The following RBFOX3 variants were observed in gnomAD, a reference collection of about 807,000 sequenced individuals.
The protein encoded by RBFOX3 is RNA binding fox-1 homolog 3.
In RBFOX3, 17 loss-of-function variants were observed where a neutral mutation model predicts 48.7. The observed-to-expected ratio is 0.35, with a 90% CI of 0.24 to 0.52. The LOEUF (loss-of-function observed/expected upper bound fraction) is 0.52. Ranked by LOEUF, RBFOX3 falls within the 20% of genes least tolerant of loss-of-function variation. The probability of loss-of-function intolerance (pLI) is 0.94; values close to 1 mark genes in which losing one functional copy is unlikely to be tolerated. For synonymous variants in RBFOX3, 212 were observed against 209.5 expected, an observed-to-expected ratio of 1.01 and a Z score of -0.10; for missense variants, 382 against 497.5, an observed-to-expected ratio of 0.77 and a Z score of 2.21.
At position 79,311,434 on chromosome 17, in the gene RBFOX3, CAAAAAA is replaced by C. The variant is rs35265527; in HGVS notation, c.-174-3616_-174-3611del. ...GGTAAGAAGAGCGAGACTCCATCTC[CAAAAAA>C]AAAAAAAAAAAAAACAGACTGCAGC... is the stretch of plus-strand genomic sequence containing the variant. On this transcript the variant is annotated intron_variant, in intron 2 of 14. Transcript: ENST00000693108. The surrounding 1 kb of genome is among the most constrained non-coding windows in gnomAD (Gnocchi z 4.2). 9.7e-6 allele frequency among the ~76,000 whole-genome samples: 1 copy of C among 102,578 alleles called. No individual in the cohort carries two copies. The highest frequency in any genetic ancestry group is 3.4e-5 in the African/African-American group (1 of 29,844). 67.3% of individuals were successfully genotyped at this position (102,578 alleles called of 152,430 possible). A position where few individuals can be genotyped will look rare whatever the true frequency, so the allele number is the denominator to read the frequency against.
chr17:79,408,768 A>G (rs1009858584), intron 2 of RBFOX3, among the ~76,000 whole-genome samples: 8 of 152,260 alleles, frequency 5.3e-5, no homozygotes, highest in African/African-American at 1.9e-4. Flanking sequence ...TGATAACATC[A>G]TCACCATCAT....
At chr17:79,213,114 C>T (rs2058591161) in intron 4 of RBFOX3, among the ~76,000 whole-genome samples, 1 of 152,194 alleles carries the variant, frequency 6.6e-6, no homozygotes, top group African/African-American at 2.4e-5. Flanking sequence ...GCCTTGGCCT[C>T]TCAAAGTGCT....
chr17:79,176,939 A>C (rs72856448), intron 4 of RBFOX3, among the ~76,000 whole-genome samples: 17,660 of 152,258 alleles, frequency 0.12, 1,145 homozygotes, highest in Non-Finnish European at 0.15. Flanking sequence ...GGAAGCCAAG[A>C]GAAGAGACAG....
chr17:79,306,369 T>C (rs1346982117), intron 3 of RBFOX3, among the ~76,000 whole-genome samples: 12 of 152,356 alleles, frequency 7.9e-5, no homozygotes, highest in African/African-American at 2.6e-4. Context: ...GCGCCAGCCA[T>C]GGCCCGCACG....
chr17:79,646,967 C>T, the RBFOX3 span, among the ~76,000 whole-genome samples: 3 of 152,204 alleles, frequency 2.0e-5, no homozygotes, highest in Non-Finnish European at 2.9e-5. Flanking sequence ...ACAACTACAG[C>T]ATCCCCAGCC....
chr17:79,405,683 T>TG (rs1456760286), intron 2 of RBFOX3, among the ~76,000 whole-genome samples: 2 of 152,210 alleles, frequency 1.3e-5, no homozygotes, highest in African/African-American at 4.8e-5. Flanking sequence ...ATCATACCGC[T>TG]GCTCTCCAGC....
At chr17:79,461,136 C>G (rs2075312456) in intron 2 of RBFOX3, among the ~76,000 whole-genome samples, 1 of 152,206 alleles carries the variant, frequency 6.6e-6, no homozygotes, top group African/African-American at 2.4e-5. Context: ...GCAAGCTCCC[C>G]AAGGGGGTTG....
At chr17:79,093,934 C>G (rs532434285) in intron 14 of RBFOX3, among the ~76,000 whole-genome samples, 55 of 152,242 alleles carry the variant, frequency 3.6e-4, no homozygotes, top group African/African-American at 1.3e-3. Context: ...GCCAGGAGCC[C>G]CCAGGAAGCC....
intron 4 of RBFOX3, among the ~76,000 whole-genome samples, chr17:79,183,040 G>GC (rs908938297): frequency 1.3e-3 from 201 of 149,760 alleles, no homozygotes; most frequent in African/African-American, 4.5e-3. Flanking sequence ...CCAAACTCCG[G>GC]CCCCCCCGCC....
At chr17:79,580,030 C>T (rs1389121534) in intron 1 of RBFOX3, among the ~76,000 whole-genome samples, 3 of 151,922 alleles carry the variant, frequency 2.0e-5, no homozygotes, top group African/African-American at 7.3e-5. Flanking sequence ...GGAACTGGTG[C>T]CACAGCGACT....
Position 79,477,312 on chromosome 17 carries a change from T to G in RBFOX3, c.-175+5142A>C, listed in dbSNP as rs1285850475. ...TGGCTCACACCTGTAATCCCAGCACTTTGGGAGGCCAAGGCAGGTGGATCA... is the reference window on the plus strand; with the variant it reads ...TGGCTCACACCTGTAATCCCAGCACGTTGGGAGGCCAAGGCAGGTGGATCA... On this transcript the variant is annotated intron_variant, in intron 2 of 14. Coordinates refer to ENST00000693108, the MANE Select transcript of RBFOX3 (RefSeq NM_001350451.2). This position sits in a 1 kb window ranked among gnomAD's most constrained non-coding sequence, Gnocchi z 4.8. 6.8e-6 allele frequency among the ~76,000 whole-genome samples: 1 copy of G among 147,474 alleles called. No individual in the cohort carries two copies. The highest frequency in any genetic ancestry group is 1.5e-5 in the Non-Finnish European group (1 of 67,310).
chr17:79,114,469 C>A (rs566033562), intron 5 of RBFOX3, among the ~76,000 whole-genome samples: 1 of 152,310 alleles, frequency 6.6e-6, no homozygotes, highest in South Asian at 2.1e-4. Flanking sequence ...GCTGGGTGGG[C>A]TCTCTCGGCA....
At chr17:79,294,098 G>A (rs2073917404) in intron 3 of RBFOX3, among the ~76,000 whole-genome samples, 1 of 152,168 alleles carries the variant, frequency 6.6e-6, no homozygotes, top group East Asian at 1.9e-4. Flanking sequence ...TCTTCAACTG[G>A]GGCCACCTGC....
intron 2 of RBFOX3, among the ~76,000 whole-genome samples, chr17:79,475,527 C>G (rs1327518455): frequency 1.3e-5 from 2 of 152,126 alleles, no homozygotes; most frequent in Non-Finnish European, 2.9e-5. Context: ...CCAGCCCTAA[C>G]CCCCAGGACC....
chr17:79,346,754 T>C lies in RBFOX3; in HGVS notation c.-174-38930A>G, dbSNP rs188484892. ...CCTCTACTTACACTTCATAAAGTTG[T>C]ACATTTTGCCTGTATAAGTCTTAAG... On this transcript the variant is annotated intron_variant, in intron 2 of 14. Coordinates refer to ENST00000693108, the MANE Select transcript of RBFOX3 (RefSeq NM_001350451.2). Among the ~76,000 whole-genome samples the C allele has an allele frequency of 3.9e-5, 6 of 152,384 alleles. No homozygotes were observed. In the East Asian group the frequency reaches 1.2e-3, roughly 29 times the overall value.
intron 1 of RBFOX3, among the ~76,000 whole-genome samples, chr17:79,579,737 T>C (rs2092986228): frequency 7.8e-6 from 1 of 128,920 alleles, no homozygotes; most frequent in East Asian, 2.4e-4. Flanking sequence ...GGCGCCGTGG[T>C]GGGGAGTCAC....
chr17:79,300,587 G>A (rs2075149149), intron 3 of RBFOX3, among the ~76,000 whole-genome samples: 1 of 152,230 alleles, frequency 6.6e-6, no homozygotes, highest in East Asian at 1.9e-4. Flanking sequence ...GTCAGTCAGT[G>A]ACAGAACCAG....
intron 4 of RBFOX3, among the ~76,000 whole-genome samples, chr17:79,138,659 C>T (rs1169679843): frequency 7.4e-6 from 1 of 135,014 alleles, no homozygotes; most frequent in Non-Finnish European, 1.6e-5. Flanking sequence ...ACATACACAG[C>T]ACATGCATTC....
intron 2 of RBFOX3, among the ~76,000 whole-genome samples, chr17:79,384,901 C>T (rs1268228489): frequency 6.6e-6 from 1 of 152,254 alleles, no homozygotes; most frequent in Non-Finnish European, 1.5e-5. Context: ...GGAGACCTTC[C>T]AAACTTCGGC....
Sources: allele counts gnomAD v4.1 joint callset (sites outside exome capture counted in the v4.1 genomes callset), GRCh38; gene constraint gnomAD v4.1.1; non-coding constraint Gnocchi (gnomAD v3.1); transcripts MANE v1.5; gene names NCBI Gene and HGNC (gene_info 2026-07-23, HGNC 2026-07-21).